The following LRRC4C variants were observed in gnomAD, a reference collection of about 807,000 sequenced individuals.
LRRC4C encodes the protein leucine rich repeat containing 4C, also known as leucine-rich repeat-containing protein 4C.
Under a neutral mutation model 33.6 loss-of-function variants are expected in LRRC4C, and 5 were observed. That is an observed-to-expected ratio of 0.15 (90% CI 0.08 to 0.31). The LOEUF (loss-of-function observed/expected upper bound fraction) is 0.31, where lower values mean the gene tolerates loss of function less well. LRRC4C is among the 10% of genes least tolerant of loss of function. The pLI, the probability that LRRC4C is intolerant of heterozygous loss-of-function variation, is 1.00. For missense variants in LRRC4C, 560 were observed against 796.7 expected, an observed-to-expected ratio of 0.70 and a Z score of 3.58; for synonymous variants, 329 against 302.0, an observed-to-expected ratio of 1.09 and a Z score of -0.93.
chr11:41,129,135 G>T (rs1320811437), intron 1 of LRRC4C, among the ~76,000 whole-genome samples: 1 of 151,798 alleles, frequency 6.6e-6, no homozygotes, highest in Admixed American at 6.6e-5. Flanking sequence ...ACCAAACTGG[G>T]ATTTTCTCCT....
chr11:40,373,687 T>A (rs1410053403), intron 3 of LRRC4C, among the ~76,000 whole-genome samples: 1 of 152,100 alleles, frequency 6.6e-6, no homozygotes, highest in Non-Finnish European at 1.5e-5. Flanking sequence ...CCTGGCACCA[T>A]CCCCTTGGTG....
intron 2 of LRRC4C, among the ~76,000 whole-genome samples, chr11:40,820,699 T>C (rs537662880): frequency 2.0e-5 from 3 of 151,992 alleles, no homozygotes; most frequent in South Asian, 2.1e-4. Context: ...ACCTTCATCT[T>C]GACAATAAGC....
At chr11:40,420,869 A>G (rs143169235) in intron 3 of LRRC4C, among the ~76,000 whole-genome samples, 1 of 152,200 alleles carries the variant, frequency 6.6e-6, no homozygotes, top group Non-Finnish European at 1.5e-5. Context: ...CTTTTATATG[A>G]TAAGAACTAT....
chr11:41,138,968 G>A (rs1943386313), intron 1 of LRRC4C, among the ~76,000 whole-genome samples: 3 of 152,246 alleles, frequency 2.0e-5, no homozygotes, highest in East Asian at 1.9e-4. Context: ...GCCATGTTAT[G>A]TGTAACTGAG....
At chr11:41,316,200 G>T (rs1457099441) in intron 1 of LRRC4C, among the ~76,000 whole-genome samples, 2 of 140,986 alleles carry the variant, frequency 1.4e-5, no homozygotes, top group Admixed American at 7.9e-5. Flanking sequence ...ATAACTGGGG[G>T]TGACTATGGG....
chr11:41,211,303 G>A (rs1946809761), intron 1 of LRRC4C, among the ~76,000 whole-genome samples: 1 of 152,030 alleles, frequency 6.6e-6, no homozygotes, highest in Non-Finnish European at 1.5e-5. Context: ...TTGCAAAGAG[G>A]CCAACTAATC....
At chr11:41,434,499 GTTGT>G (rs999305329) in intron 1 of LRRC4C, among the ~76,000 whole-genome samples, 1 of 152,044 alleles carries the variant, frequency 6.6e-6, no homozygotes, top group Non-Finnish European at 1.5e-5. Flanking sequence ...ATCTTCACAG[GTTGT>G]TTAAGCCCCC....
chr11:40,947,466 T>TAA (rs1958457004), intron 1 of LRRC4C, among the ~76,000 whole-genome samples: 1 of 152,162 alleles, frequency 6.6e-6, no homozygotes, highest in Non-Finnish European at 1.5e-5. Context: ...GGCAAGTCTT[T>TAA]TTTGTATATG....
At chr11:41,251,617 G>T (rs1948640874) in intron 1 of LRRC4C, among the ~76,000 whole-genome samples, 1 of 152,138 alleles carries the variant, frequency 6.6e-6, no homozygotes, top group African/African-American at 2.4e-5. Context: ...TTTGTAGGGA[G>T]CAATTAAGAA....
intron 1 of LRRC4C, among the ~76,000 whole-genome samples, chr11:41,231,814 G>T (rs1323738037): frequency 1.3e-5 from 2 of 151,350 alleles, no homozygotes; most frequent in Non-Finnish European, 2.9e-5. Flanking sequence ...AATATATGTA[G>T]ATATACACAT....
At chr11:40,264,692 A>C (rs901017536) in intron 4 of LRRC4C, among the ~76,000 whole-genome samples, 1 of 152,216 alleles carries the variant, frequency 6.6e-6, no homozygotes, top group Non-Finnish European at 1.5e-5. Context: ...TACCCTGGGA[A>C]AAACTGCCAA....
At chr11:40,699,369 A>C (rs976736206) in intron 2 of LRRC4C, among the ~76,000 whole-genome samples, 1 of 152,212 alleles carries the variant, frequency 6.6e-6, no homozygotes, top group Non-Finnish European at 1.5e-5. Context: ...CCCTTCATTA[A>C]TAGGTGTAGA....
chr11:40,542,713 T>C (rs1214871949), intron 3 of LRRC4C, among the ~76,000 whole-genome samples: 1 of 152,074 alleles, frequency 6.6e-6, no homozygotes, highest in Non-Finnish European at 1.5e-5. Flanking sequence ...ATTCATCCCT[T>C]CAAGGATGTG....
intron 2 of LRRC4C, among the ~76,000 whole-genome samples, chr11:40,861,627 C>T (rs186159351): frequency 6.6e-6 from 1 of 152,100 alleles, no homozygotes; most frequent in Non-Finnish European, 1.5e-5. Flanking sequence ...GAAGATATAA[C>T]CCCAAGAAGG....
At chr11:40,444,791 C>G (rs945723886) in intron 3 of LRRC4C, among the ~76,000 whole-genome samples, 10 of 152,154 alleles carry the variant, frequency 6.6e-5, no homozygotes, top group Admixed American at 3.9e-4. Flanking sequence ...CTGTCAAATT[C>G]TCTCAGGAAG....
At chr11:40,809,326 C>T (rs191039077) in intron 2 of LRRC4C, among the ~76,000 whole-genome samples, 49 of 152,214 alleles carry the variant, frequency 3.2e-4, no homozygotes, top group African/African-American at 1.2e-3. Context: ...TATACTTGAC[C>T]TGGGAAGATC....
Position 40,476,345 on chromosome 11 carries a change from T to TC in LRRC4C, c.-269-156625_-269-156624insG, listed in dbSNP as rs71060963. On this transcript the variant is annotated intron_variant, in intron 3 of 6. Transcript: ENST00000528697. ...ATGAGTGCACATTTTTTTTCTTCTTTTTTTTTTTTTTTTTTTTTTTGAGAC... is the reference window on the plus strand; with the variant it reads ...ATGAGTGCACATTTTTTTTCTTCTTTCTTTTTTTTTTTTTTTTTTTTGAGAC... Among the ~76,000 whole-genome samples the TC allele has an allele frequency of 9.2e-4, 125 of 136,508 alleles. 3 individuals are homozygous for TC. The highest frequency in any genetic ancestry group is 7.4e-3 in the South Asian group (30 of 4,048). 89.6% of individuals were successfully genotyped at this position (136,508 alleles called of 152,430 possible).
At chr11:40,956,174 C>A (rs141076230) in intron 1 of LRRC4C, among the ~76,000 whole-genome samples, 5 of 151,880 alleles carry the variant, frequency 3.3e-5, no homozygotes, top group African/African-American at 9.6e-5. Context: ...AAACAAATAA[C>A]CTTGTGCTGA....
Position 40,593,046 on chromosome 11 carries a change from T to G in LRRC4C, c.-270+55096A>C, listed in dbSNP as rs189225581. On this transcript the variant is annotated intron_variant, in intron 3 of 6. Transcript: ENST00000528697. ...AGTAAATTTACTAATCAATACAAATTACAATTTCTCAACTGGCAACTAGGC... is the reference window on the plus strand; with the variant it reads ...AGTAAATTTACTAATCAATACAAATGACAATTTCTCAACTGGCAACTAGGC... 6.2e-4 allele frequency among the ~76,000 whole-genome samples: 94 copies of G among 152,290 alleles called. 1 individual carries two copies. Among genetic ancestry groups the G allele is most frequent in the African/African-American group, 2.2e-3 (90 of 41,558 alleles).
Sources: allele counts gnomAD v4.1 joint callset (sites outside exome capture counted in the v4.1 genomes callset), GRCh38; gene constraint gnomAD v4.1.1; transcripts MANE v1.5; gene names NCBI Gene and HGNC (gene_info 2026-07-23, HGNC 2026-07-21).